RIGI: variants seen among roughly 807,000 people sequenced by gnomAD.
RIGI encodes RNA sensor RIG-I.
At chr9:32,463,889 C>CTTTTTTTTTTTTTTTTTTTATT in the RIGI span, among the ~76,000 whole-genome samples, 9 of 135,794 alleles carry the variant, frequency 6.6e-5, no homozygotes, top group African/African-American at 2.4e-4. Flanking sequence ...ATTCTGATTT[C>CTTTTTTTTTTTTTTTTTTTATT]AAATAAACCT....
chr9:32,473,820 G>T, the RIGI span, among the ~76,000 whole-genome samples: 3 of 152,044 alleles, frequency 2.0e-5, no homozygotes, highest in Non-Finnish European at 4.4e-5. Context: ...TTGAGCCCAG[G>T]AGTTCAAGAC....
chr9:32,487,893 G>A, the RIGI span: 19 of 1,589,336 alleles, frequency 1.2e-5, no homozygotes, highest in South Asian at 1.3e-4. Flanking sequence ...AAGAAAATAG[G>A]AGTTAGGAAG....
chr9:32,504,946 A>ATAATATAT, the RIGI span, among the ~76,000 whole-genome samples: 1 of 107,564 alleles, frequency 9.3e-6, no homozygotes, highest in South Asian at 3.2e-4. Context: ...ATATATTTAA[A>ATAATATAT]CATATATATT....
chr9:32,512,617 T>C, the RIGI span, among the ~76,000 whole-genome samples: 1 of 152,206 alleles, frequency 6.6e-6, no homozygotes, highest in African/African-American at 2.4e-5. Flanking sequence ...AATATCATAC[T>C]GAATGGGCAA....
At chr9:32,495,439 G>A in the RIGI span, among the ~76,000 whole-genome samples, 24 of 152,108 alleles carry the variant, frequency 1.6e-4, no homozygotes, top group East Asian at 2.7e-3. Context: ...CTGACCTCAC[G>A]ATCCACCCGC....
At chr9:32,505,442 G>T in the RIGI span, among the ~76,000 whole-genome samples, 1 of 152,090 alleles carries the variant, frequency 6.6e-6, no homozygotes, top group African/African-American at 2.4e-5. Flanking sequence ...AGCATAGGGA[G>T]AATTGACATG....
chr9:32,474,496 T>G, the RIGI span, among the ~76,000 whole-genome samples: 1 of 152,152 alleles, frequency 6.6e-6, no homozygotes, highest in Non-Finnish European at 1.5e-5. Flanking sequence ...ATTTCCAAGA[T>G]GAAGTTATGA....
the RIGI span, among the ~76,000 whole-genome samples, chr9:32,512,184 T>C: frequency 2.3e-3 from 349 of 152,034 alleles, 4 homozygotes; most frequent in Non-Finnish European, 3.4e-3. Context: ...TTCCCAACAA[T>C]AGAAAAAGAG....
the RIGI span, chr9:32,492,499 ATTTC>A: frequency 6.2e-7 from 1 of 1,614,140 alleles, no homozygotes; most frequent in East Asian, 2.2e-5. Context: ...CATTCCACCA[ATTTC>A]TCTGCACCTG....
chr9:32,460,768 A>G, the RIGI span, among the ~76,000 whole-genome samples: 82 of 144,694 alleles, frequency 5.7e-4, no homozygotes, highest in Middle Eastern at 7.0e-3. Context: ...AAAAAAATAC[A>G]CTGGGGAAAA....
At chr9:32,490,946 C>G in the RIGI span, among the ~76,000 whole-genome samples, 2 of 152,206 alleles carry the variant, frequency 1.3e-5, no homozygotes, top group South Asian at 4.2e-4. Context: ...GAGCAAGTGA[C>G]TCAGAAATAG....
At chr9:32,502,415 T>G in the RIGI span, among the ~76,000 whole-genome samples, 3,546 of 152,328 alleles carry the variant, frequency 0.023, 122 homozygotes, top group East Asian at 0.16. Context: ...ATTTTTAACA[T>G]TATAGGGAAT....
At chr9:32,483,454 T>C in the RIGI span, among the ~76,000 whole-genome samples, 1 of 152,032 alleles carries the variant, frequency 6.6e-6, no homozygotes, top group Non-Finnish European at 1.5e-5. Flanking sequence ...GGAGGCAGGG[T>C]ACGGGAGGTG....
chr9:32,502,061 T>C, the RIGI span, among the ~76,000 whole-genome samples: 1 of 152,200 alleles, frequency 6.6e-6, no homozygotes, highest in Non-Finnish European at 1.5e-5. Context: ...ACTAATCAAA[T>C]TGAGTCTCCA....
chr9:32,476,977 G>C, the RIGI span: 1 of 1,609,966 alleles, frequency 6.2e-7, no homozygotes. Flanking sequence ...GAGAAAAAAA[G>C]CTTACGTCCA....
the RIGI span, chr9:32,476,999 G>C: frequency 2.2e-5 from 35 of 1,613,722 alleles, no homozygotes; most frequent in Middle Eastern, 2.1e-3. Context: ...AAGTGCTCTG[G>C]TTTTCACAAA....
At chr9:32,469,691 C>T in the RIGI span, among the ~76,000 whole-genome samples, 109 of 152,212 alleles carry the variant, frequency 7.2e-4, no homozygotes, top group African/African-American at 2.4e-3. Flanking sequence ...TAATATCCTG[C>T]GATAGTGGAG....
chr9:32,488,235 C>T, the RIGI span: 5 of 1,604,682 alleles, frequency 3.1e-6, no homozygotes, highest in Admixed American at 5.0e-5. Flanking sequence ...ATATTACTAA[C>T]CACGATGTGG....
At chr9:32,523,897 T>TC in the RIGI span, among the ~76,000 whole-genome samples, 1 of 151,860 alleles carries the variant, frequency 6.6e-6, no homozygotes, top group East Asian at 1.9e-4. Context: ...CTCCTGCCTC[T>TC]CTCTCCACAA....
Sources: gnomAD v4.1 joint callset for allele counts (sites outside exome capture counted in the v4.1 genomes callset) on GRCh38, gnomAD v4.1.1 for gene constraint, MANE v1.5 for transcripts, NCBI Gene and HGNC (gene_info 2026-07-23, HGNC 2026-07-21) for gene names.